LAMA2: variants seen among roughly 807,000 people sequenced by gnomAD.
LAMA2 encodes the protein laminin subunit alpha 2.
A neutral mutation model predicts 364.8 loss-of-function variants in LAMA2; 269 were observed. That is an observed-to-expected ratio of 0.74 (90% CI 0.67 to 0.82). The LOEUF is 0.82. Ranked by LOEUF, LAMA2 falls within the 40% of genes least tolerant of loss-of-function variation. The probability of loss-of-function intolerance (pLI) is 0.00; values close to 1 mark genes in which losing one functional copy is unlikely to be tolerated. For missense variants in LAMA2, 3,807 were observed against 3,873.2 expected (o/e 0.98, Z 0.45); for synonymous variants, 1,379 against 1,370.6 (o/e 1.01, Z -0.14).
At chr6:129,432,152 C>T (rs969087270) in intron 41 of LAMA2, among the ~76,000 whole-genome samples, 2 of 152,130 alleles carry the variant, frequency 1.3e-5, no homozygotes, top group Non-Finnish European at 2.9e-5. Flanking sequence ...GAAATTAAGC[C>T]TGGGTCCCCT....
In LAMA2 at chr6:129,492,469, C is replaced by T. The variant is rs781750033; in HGVS notation, c.8230C>T (p.Pro2744Ser). ...VPTPAFPTPT[P>S]VLTHGPCAAE... ...CACCCCAGCCTTTCCTACGCCCACC[C>T]CAGTTCTGACACATGTAAGTGTTTA... The change falls in exon 58 of 65, where the codon CCA (proline) becomes TCA (serine). Residue 2744 changes from proline to serine, a missense_variant. Physicochemically the swap from Pro to Ser is moderately conservative, Grantham distance 74 (BLOSUM62 -1). Coordinates refer to ENST00000421865, the MANE Select transcript of LAMA2 (RefSeq NM_000426.4). 6.2e-7 allele frequency: 1 copy of T among 1,613,958 alleles called. No homozygotes were observed. Among genetic ancestry groups the T allele is most frequent in the Non-Finnish European group, 8.5e-7 (1 of 1,179,888 alleles).
intron 51 of LAMA2, among the ~76,000 whole-genome samples, chr6:129,468,622 A>G (rs1783659715): frequency 6.6e-6 from 1 of 151,972 alleles, no homozygotes; most frequent in African/African-American, 2.4e-5. Context: ...TGACAAGCAT[A>G]TGGTCATTGA....
chr6:129,155,074 CT>C (rs1779029369), intron 8 of LAMA2, among the ~76,000 whole-genome samples: 1 of 152,120 alleles, frequency 6.6e-6, no homozygotes, highest in Non-Finnish European at 1.5e-5. Context: ...ATCAGTAGTT[CT>C]TTTTCTTTTG....
intron 4 of LAMA2, among the ~76,000 whole-genome samples, chr6:129,117,560 G>A (rs552572713): frequency 2.0e-5 from 3 of 152,230 alleles, no homozygotes; most frequent in South Asian, 4.1e-4. Context: ...TCTTCTGTGT[G>A]GTTAAAGTAC....
intron 4 of LAMA2, among the ~76,000 whole-genome samples, chr6:129,124,215 G>A (rs1183087676): frequency 6.6e-6 from 1 of 152,108 alleles, no homozygotes; most frequent in Non-Finnish European, 1.5e-5. Flanking sequence ...AGAAAGCTTG[G>A]CACATCTGTT....
chr6:129,264,803 T>A (rs537652990), intron 15 of LAMA2, among the ~76,000 whole-genome samples: 1 of 152,102 alleles, frequency 6.6e-6, no homozygotes, highest in Non-Finnish European at 1.5e-5. Flanking sequence ...TCCATCGAAT[T>A]TGGCTGCATG....
chr6:129,514,826 T>G (rs1403730237), intron 64 of LAMA2, among the ~76,000 whole-genome samples: 1 of 152,188 alleles, frequency 6.6e-6, no homozygotes, highest in Non-Finnish European at 1.5e-5. Context: ...CAAAGTTTCC[T>G]TCGTGGAGAG....
At chr6:128,887,825 G>A (rs1457401090) in intron 1 of LAMA2, among the ~76,000 whole-genome samples, 4 of 152,228 alleles carry the variant, frequency 2.6e-5, no homozygotes, top group South Asian at 2.1e-4. Flanking sequence ...AGCCGAGATC[G>A]TGTCATTGCA....
chr6:128,914,650 G>A (rs927027609), intron 1 of LAMA2, among the ~76,000 whole-genome samples: 2 of 152,046 alleles, frequency 1.3e-5, no homozygotes, highest in Admixed American at 1.3e-4. Context: ...AGATAACAAA[G>A]ACAGCTTTCA....
intron 28 of LAMA2, among the ~76,000 whole-genome samples, chr6:129,324,774 T>C (rs1462709955): frequency 6.6e-6 from 1 of 152,204 alleles, no homozygotes; most frequent in African/African-American, 2.4e-5. Context: ...ATAGCAAAGG[T>C]ACATTAAAAA....
chr6:129,152,136 A>C (rs542270626), intron 7 of LAMA2, among the ~76,000 whole-genome samples: 1 of 152,352 alleles, frequency 6.6e-6, no homozygotes, highest in South Asian at 2.1e-4. Context: ...AGAAAGATCA[A>C]AACAGGTATT....
chr6:129,146,535 T>G (rs1045344933), intron 5 of LAMA2, among the ~76,000 whole-genome samples: 2 of 152,146 alleles, frequency 1.3e-5, no homozygotes, highest in East Asian at 3.9e-4. Flanking sequence ...TCTTTTCAAA[T>G]CCATCAAGTA....
intron 9 of LAMA2, among the ~76,000 whole-genome samples, chr6:129,173,046 G>T (rs775367626): frequency 1.3e-5 from 2 of 152,168 alleles, no homozygotes; most frequent in African/African-American, 2.4e-5. Context: ...CAGGGTGCGC[G>T]CACCCACTGA....
At chr6:129,416,932 A>T (rs564668297) in intron 40 of LAMA2, among the ~76,000 whole-genome samples, 7 of 152,188 alleles carry the variant, frequency 4.6e-5, no homozygotes, top group South Asian at 4.1e-4. Flanking sequence ...GACATACTAC[A>T]ATTGGCTTCC....
At chr6:129,124,840 A>G (rs540133150) in intron 4 of LAMA2, among the ~76,000 whole-genome samples, 45 of 152,324 alleles carry the variant, frequency 3.0e-4, no homozygotes, top group Non-Finnish European at 5.4e-4. Flanking sequence ...AACCTTGTAC[A>G]CGTTAAGTGT....
chr6:129,173,007 G>A (rs1780311683), intron 9 of LAMA2, among the ~76,000 whole-genome samples: 1 of 152,226 alleles, frequency 6.6e-6, no homozygotes. Flanking sequence ...TCCCAAGTGA[G>A]GCAATGCCTC....
intron 63 of LAMA2, among the ~76,000 whole-genome samples, chr6:129,513,042 A>G (rs1786727563): frequency 6.6e-6 from 1 of 152,114 alleles, no homozygotes; most frequent in African/African-American, 2.4e-5. Context: ...AATTCTAAAC[A>G]CCTCTTTCAG....
chr6:129,250,081 C>T (rs2114275998), intron 12 of LAMA2, 31 bp from the exon 13 acceptor site: 1 of 1,264,462 alleles, frequency 7.9e-7, no homozygotes, highest in African/African-American at 1.5e-5. Context: ...ATCTCCTATC[C>T]CGTAATGATT....
intron 35 of LAMA2, among the ~76,000 whole-genome samples, 191 bp from the exon 36 acceptor site, chr6:129,391,300 A>G (rs1442306352): frequency 6.6e-6 from 1 of 152,172 alleles, no homozygotes; most frequent in Non-Finnish European, 1.5e-5. Flanking sequence ...GAAATATAAT[A>G]TTGAGAAACA....
Sources: gnomAD v4.1 joint callset for allele counts (sites outside exome capture counted in the v4.1 genomes callset) on GRCh38, gnomAD v4.1.1 for gene constraint, MANE v1.5 for transcripts, NCBI Gene and HGNC (gene_info 2026-07-23, HGNC 2026-07-21) for gene names.